CCDC171: variants seen among roughly 807,000 people sequenced by gnomAD.
CCDC171 encodes the protein coiled-coil domain containing 171.
A neutral mutation model predicts 168.2 loss-of-function variants in CCDC171; 177 were observed. The observed-to-expected ratio is 1.05, with a 90% CI of 0.93 to 1.19. The LOEUF (loss-of-function observed/expected upper bound fraction) is 1.19. Among genes scored for constraint, CCDC171 ranks in the 50% most tolerant of loss-of-function variants. CCDC171 has a pLI of 0.00. For missense variants in CCDC171, 1,991 were observed against 1,539.0 expected (o/e 1.29, Z -4.91); for synonymous variants, 687 against 540.8 (o/e 1.27, Z -3.75).
At chr9:15,703,753 C>T (rs543823816) in intron 11 of CCDC171, among the ~76,000 whole-genome samples, 1 of 152,148 alleles carries the variant, frequency 6.6e-6, no homozygotes, top group African/African-American at 2.4e-5. Flanking sequence ...GATTTCATTT[C>T]TTTTGGATAC....
chr9:15,655,703 C>A (rs890527576), intron 7 of CCDC171, among the ~76,000 whole-genome samples: 2 of 152,070 alleles, frequency 1.3e-5, no homozygotes, highest in Non-Finnish European at 2.9e-5. Context: ...ACTTTTAAAG[C>A]TCAGTAATAC....
intron 1 of CCDC171, among the ~76,000 whole-genome samples, chr9:16,050,874 C>T (rs896540545): frequency 4.6e-5 from 7 of 152,254 alleles, no homozygotes; most frequent in African/African-American, 7.2e-5. Context: ...CAGGTATATC[C>T]GATGACCACA....
At chr9:15,771,019 A>G (rs554532825) in intron 18 of CCDC171, among the ~76,000 whole-genome samples, 9 of 152,338 alleles carry the variant, frequency 5.9e-5, no homozygotes, top group South Asian at 4.1e-4. Context: ...TTTAATATCA[A>G]TAAAATAAAT....
chr9:15,641,291 C>A (rs1461677745), intron 7 of CCDC171, among the ~76,000 whole-genome samples: 1 of 152,090 alleles, frequency 6.6e-6, no homozygotes, highest in East Asian at 1.9e-4. Flanking sequence ...CATGATAATT[C>A]ATCTCATTTT....
At chr9:15,965,043 G>A (rs892301382) in intron 25 of CCDC171, among the ~76,000 whole-genome samples, 1 of 152,128 alleles carries the variant, frequency 6.6e-6, no homozygotes, top group Non-Finnish European at 1.5e-5. Flanking sequence ...GATTACAGGC[G>A]TGAGCTACCG....
intron 21 of CCDC171, among the ~76,000 whole-genome samples, chr9:15,788,457 C>T (rs1466061686): frequency 1.3e-5 from 2 of 150,848 alleles, no homozygotes; most frequent in African/African-American, 4.9e-5. Flanking sequence ...ATTGTTTCTT[C>T]TTTTTAAAAA....
At position 15,588,700 on chromosome 9, in the gene CCDC171, CTTTTTTT is replaced by C. The variant is rs71323963; in HGVS notation, c.353-2649_353-2643del. ...CAACCAAGTTTTATGAAGATGCAGA[CTTTTTTT>C]TTTTTTTTTTTTTTTTATGAGACGG... On this transcript the variant is annotated intron_variant, in intron 4 of 25. Coordinates refer to ENST00000380701, the MANE Select transcript of CCDC171 (RefSeq NM_173550.4). 844 of 124,106 alleles carry C rather than the reference CTTTTTTT, an allele frequency of 6.8e-3. 2 individuals carry two copies. The highest frequency in any genetic ancestry group is 0.012 in the South Asian group (49 of 4,104). The allele number at this position is 124,106 out of a possible 1,614,324, so 7.7% of individuals were successfully genotyped here.
chr9:15,568,549 C>T (rs867401050), intron 2 of CCDC171, among the ~76,000 whole-genome samples: 5 of 152,292 alleles, frequency 3.3e-5, no homozygotes, highest in South Asian at 4.1e-4. Context: ...GGATTACAGG[C>T]GTGAGCCACC....
At chr9:15,706,773 A>G (rs1469595747) in intron 11 of CCDC171, among the ~76,000 whole-genome samples, 1 of 152,186 alleles carries the variant, frequency 6.6e-6, no homozygotes, top group Non-Finnish European at 1.5e-5. Context: ...AACTTTCTTC[A>G]GCTTTCCTTG....
At chr9:15,640,198 T>C (rs1339219432) in intron 7 of CCDC171, among the ~76,000 whole-genome samples, 1 of 152,194 alleles carries the variant, frequency 6.6e-6, no homozygotes, top group Non-Finnish European at 1.5e-5. Flanking sequence ...GTAAAATGTT[T>C]GGACTTCTAT....
intron 3 of CCDC171, among the ~76,000 whole-genome samples, chr9:15,572,663 A>G (rs571354506): frequency 5.3e-5 from 8 of 152,296 alleles, no homozygotes; most frequent in African/African-American, 1.4e-4. Context: ...ATGTCTCTCT[A>G]AGTGAAACTG....
At chr9:16,094,843 C>A in the CCDC171 span, among the ~76,000 whole-genome samples, 47,761 of 152,064 alleles carry the variant, frequency 0.31, 7,803 homozygotes, top group Non-Finnish European at 0.35. Context: ...AGATCCAAAT[C>A]ATCAAATCTA....
At chr9:15,929,866 A>G (rs1401415967) in intron 25 of CCDC171, among the ~76,000 whole-genome samples, 1 of 151,754 alleles carries the variant, frequency 6.6e-6, no homozygotes, top group African/African-American at 2.4e-5. Flanking sequence ...TTTCCCCATA[A>G]TAAAGTATGA....
intron 11 of CCDC171, among the ~76,000 whole-genome samples, chr9:15,720,447 T>G (rs947317956): frequency 2.0e-5 from 3 of 152,186 alleles, no homozygotes; most frequent in African/African-American, 7.2e-5. Flanking sequence ...AAGATTAGTA[T>G]GTAGTAGGAA....
chr9:15,720,113 C>G (rs915647024), intron 11 of CCDC171, among the ~76,000 whole-genome samples: 1 of 141,310 alleles, frequency 7.1e-6, no homozygotes, highest in African/African-American at 2.4e-5. Context: ...CAAGTTGTAC[C>G]CATATATAAG....
At chr9:15,667,273 A>G (rs755608710) in intron 9 of CCDC171, among the ~76,000 whole-genome samples, 2 of 152,224 alleles carry the variant, frequency 1.3e-5, no homozygotes, top group Non-Finnish European at 2.9e-5. Flanking sequence ...TATTAGAATT[A>G]TATTTTAATC....
chr9:16,105,416 C>A, the CCDC171 span, among the ~76,000 whole-genome samples: 1 of 151,100 alleles, frequency 6.6e-6, no homozygotes, highest in East Asian at 1.9e-4. Context: ...GCTGGCCTGA[C>A]AAACTTTGGA....
chr9:15,613,269 A>G (rs1180093579), intron 6 of CCDC171, among the ~76,000 whole-genome samples: 1 of 152,186 alleles, frequency 6.6e-6, no homozygotes, highest in Admixed American at 6.5e-5. Flanking sequence ...AGAAGTCCTC[A>G]TTTAACATCA....
rs1027807546 is a variant in CCDC171 at position 16,057,379 on chromosome 9, C to A, written n.90-3267C>A. On this transcript the variant is annotated intron_variant and non_coding_transcript_variant, in intron 1 of 1. Coordinates refer to the CCDC171 transcript ENST00000478913. Reference sequence around the variant, plus strand: ...AACGGTAGTGGGAAGGGAACTTCCCCCAGGAACTGGAAAGATTTAAGATGT... The same window carrying A: ...AACGGTAGTGGGAAGGGAACTTCCCACAGGAACTGGAAAGATTTAAGATGT... Among the ~76,000 whole-genome samples the A allele has an allele frequency of 2.0e-5, 3 of 152,288 alleles. No individual in the cohort carries two copies. In the South Asian group the frequency reaches 6.2e-4, roughly 32 times the overall value.
Sources: allele counts gnomAD v4.1 joint callset (sites outside exome capture counted in the v4.1 genomes callset), GRCh38; gene constraint gnomAD v4.1.1; transcripts MANE v1.5; gene names NCBI Gene and HGNC (gene_info 2026-07-23, HGNC 2026-07-21).